The following JAZF1 variants were observed in gnomAD, a reference collection of about 807,000 sequenced individuals.
The protein encoded by JAZF1 is juxtaposed with another zinc finger protein 1.
In JAZF1, 8 loss-of-function variants were observed where a neutral mutation model predicts 26.4. The ratio of observed to expected loss-of-function variants is 0.30; its 90% CI spans 0.18 to 0.55. The LOEUF is 0.55. JAZF1 is among the 20% of genes least tolerant of loss of function. JAZF1 has a pLI of 0.94. For synonymous variants in JAZF1, 126 were observed against 122.3 expected (o/e 1.03, Z -0.20); for missense variants, 199 against 322.0 (o/e 0.62, Z 2.92).
chr7:27,870,401 A>G (rs1583440078), intron 3 of JAZF1, among the ~76,000 whole-genome samples: 2 of 152,082 alleles, frequency 1.3e-5, no homozygotes, highest in East Asian at 3.9e-4. Context: ...CATCTGCTTT[A>G]AGTTCCAAGT....
At chr7:27,842,372 C>T (rs1392156500) in intron 3 of JAZF1, 2 of 152,264 alleles carry the variant, frequency 1.3e-5, no homozygotes, top group African/African-American at 4.8e-5. Context: ...TGCTTCCCAG[C>T]CCCCAGTGCC....
chr7:27,875,258 C>T (rs114174982), intron 3 of JAZF1, among the ~76,000 whole-genome samples: 2,969 of 152,218 alleles, frequency 0.02, 95 homozygotes, highest in African/African-American at 0.068. Flanking sequence ...CAAAACATTC[C>T]GAGTTCATCC....
chr7:28,034,618 T>A (rs1783253272), intron 1 of JAZF1, among the ~76,000 whole-genome samples: 1 of 152,214 alleles, frequency 6.6e-6, no homozygotes, highest in Admixed American at 6.5e-5. Context: ...GACAGCTCTG[T>A]CTTTAACTCA....
At chr7:28,134,259 A>T (rs2127943027) in intron 1 of JAZF1, among the ~76,000 whole-genome samples, 1 of 152,296 alleles carries the variant, frequency 6.6e-6, no homozygotes, top group African/African-American at 2.4e-5. Context: ...AAATATTTAT[A>T]GTTCTAATAG....
chr7:28,005,276 T>C (rs2128368770), intron 1 of JAZF1, among the ~76,000 whole-genome samples: 1 of 152,312 alleles, frequency 6.6e-6, no homozygotes, highest in Admixed American at 6.5e-5. Flanking sequence ...TCCTGTGCTG[T>C]CATTATTCAC....
intron 2 of JAZF1, among the ~76,000 whole-genome samples, chr7:27,938,704 C>T (rs1034701740): frequency 2.0e-5 from 3 of 152,048 alleles, no homozygotes; most frequent in African/African-American, 7.2e-5. Flanking sequence ...TACGGTCTGG[C>T]TCTGTTGCCC....
chr7:28,015,067 A>G (rs201125835), intron 1 of JAZF1, among the ~76,000 whole-genome samples: 2 of 111,206 alleles, frequency 1.8e-5, no homozygotes, highest in African/African-American at 2.9e-5. Flanking sequence ...GTGTGTGTGT[A>G]GGGGTAGGGG....
chr7:28,163,055 G>A (rs956845339), intron 1 of JAZF1, among the ~76,000 whole-genome samples: 1 of 152,170 alleles, frequency 6.6e-6, no homozygotes, highest in African/African-American at 2.4e-5. Context: ...GGAAGATACT[G>A]GAATAACAAT....
At chr7:28,044,459 C>T (rs980804163) in intron 1 of JAZF1, among the ~76,000 whole-genome samples, 2 of 152,146 alleles carry the variant, frequency 1.3e-5, no homozygotes, top group Admixed American at 1.3e-4. Flanking sequence ...CCATAGTAGA[C>T]AGCAGGTACA....
At chr7:27,951,986 A>G (rs1018796972) in intron 2 of JAZF1, among the ~76,000 whole-genome samples, 1 of 152,168 alleles carries the variant, frequency 6.6e-6, no homozygotes, top group Admixed American at 6.5e-5. Flanking sequence ...TGAGGAACTG[A>G]GCCAACGCAG....
intron 1 of JAZF1, among the ~76,000 whole-genome samples, chr7:28,000,524 A>G (rs1463541031): frequency 2.6e-5 from 4 of 152,112 alleles, no homozygotes; most frequent in East Asian, 3.8e-4. Flanking sequence ...AAGAAGCCAG[A>G]AGGCTGGTGA....
At chr7:28,058,111 G>A (rs1445434246) in intron 1 of JAZF1, among the ~76,000 whole-genome samples, 1 of 152,174 alleles carries the variant, frequency 6.6e-6, no homozygotes, top group Non-Finnish European at 1.5e-5. Flanking sequence ...TGTGTGAGGG[G>A]CTGGGGAAGT....
chr7:28,116,446 T>C (rs934666986), intron 1 of JAZF1, among the ~76,000 whole-genome samples: 2 of 152,126 alleles, frequency 1.3e-5, no homozygotes, highest in Non-Finnish European at 2.9e-5. Context: ...TATTTCTTTC[T>C]CTCTCTCTCT....
intron 1 of JAZF1, among the ~76,000 whole-genome samples, chr7:28,060,627 C>G (rs373129587): frequency 1.3e-5 from 2 of 152,306 alleles, no homozygotes; most frequent in East Asian, 3.9e-4. Context: ...TGCTCCTCCA[C>G]ATAGCTCTAA....
intron 2 of JAZF1, among the ~76,000 whole-genome samples, chr7:27,953,185 T>C (rs561753829): frequency 2.5e-4 from 38 of 152,330 alleles, no homozygotes; most frequent in African/African-American, 8.2e-4. Context: ...TATAGCCCCA[T>C]GTACTAAAAA....
chr7:28,035,719 G>C (rs1783281179), intron 1 of JAZF1, among the ~76,000 whole-genome samples: 1 of 152,084 alleles, frequency 6.6e-6, no homozygotes, highest in Non-Finnish European at 1.5e-5. Flanking sequence ...TGAGTACACA[G>C]AGTGACAAGA....
At chr7:28,153,413 T>C (rs893749775) in intron 1 of JAZF1, among the ~76,000 whole-genome samples, 2 of 152,358 alleles carry the variant, frequency 1.3e-5, no homozygotes, top group African/African-American at 2.4e-5. Flanking sequence ...GTAACTTCTA[T>C]TGGGGAAATT....
chr7:28,143,176 A>G (rs1190337112), intron 1 of JAZF1, among the ~76,000 whole-genome samples: 4 of 152,044 alleles, frequency 2.6e-5, no homozygotes, highest in Admixed American at 2.0e-4. Context: ...AAACACTTCT[A>G]CTTCCAAAAG....
intron 1 of JAZF1, among the ~76,000 whole-genome samples, chr7:28,072,297 C>CA (rs1783989979): frequency 6.6e-6 from 1 of 152,172 alleles, no homozygotes; most frequent in Non-Finnish European, 1.5e-5. Context: ...ATCAACTTCC[C>CA]ACAACCCACT....
Sources: allele counts gnomAD v4.1 joint callset (sites outside exome capture counted in the v4.1 genomes callset), GRCh38; gene constraint gnomAD v4.1.1; transcripts MANE v1.5; gene names NCBI Gene and HGNC (gene_info 2026-07-23, HGNC 2026-07-21).